Variants in PRUNE2 observed in about 807,000 individuals in gnomAD.
The protein encoded by PRUNE2 is prune homolog 2 with BCH domain.
In PRUNE2, 164 loss-of-function variants were observed where a neutral mutation model predicts 252.0. The observed-to-expected ratio is 0.65, with a 90% CI of 0.57 to 0.74. The LOEUF (loss-of-function observed/expected upper bound fraction) is 0.74. Ranked by LOEUF, PRUNE2 falls within the 30% of genes least tolerant of loss-of-function variation. The pLI is 0.00. For synonymous variants in PRUNE2, 1,292 were observed against 1,350.2 expected, an observed-to-expected ratio of 0.96 and a Z score of 0.94; for missense variants, 3,495 against 3,711.0, an observed-to-expected ratio of 0.94 and a Z score of 1.51.
At chr9:76,854,486 C>T (rs538947504) in intron 1 of PRUNE2, among the ~76,000 whole-genome samples, 20 of 152,190 alleles carry the variant, frequency 1.3e-4, no homozygotes, top group African/African-American at 4.6e-4. Context: ...ATCTCTGAGT[C>T]GTAATTTTTT....
intron 1 of PRUNE2, among the ~76,000 whole-genome samples, chr9:76,903,520 TA>T (rs1417927328): frequency 1.3e-5 from 2 of 152,226 alleles, no homozygotes; most frequent in Non-Finnish European, 2.9e-5. Flanking sequence ...ATCAGCATGG[TA>T]AATTTCTTCA....
chr9:76,865,413 A>T (rs2060779488), intron 1 of PRUNE2, among the ~76,000 whole-genome samples: 1 of 152,204 alleles, frequency 6.6e-6, no homozygotes, highest in South Asian at 2.1e-4. Flanking sequence ...TCAGAAATAA[A>T]TGTATGCATT....
chr9:76,773,561 A>G (rs1229931003), intron 6 of PRUNE2, among the ~76,000 whole-genome samples: 1 of 148,546 alleles, frequency 6.7e-6, no homozygotes, highest in Non-Finnish European at 1.5e-5. Context: ...CTCCTGCCTT[A>G]GCCTCCTGAG....
intron 6 of PRUNE2, among the ~76,000 whole-genome samples, chr9:76,806,079 T>G (rs2056911950): frequency 6.6e-6 from 1 of 152,052 alleles, no homozygotes; most frequent in Non-Finnish European, 1.5e-5. Context: ...GAATCAACTC[T>G]CTCTAAACCA....
chr9:76,774,425 AT>A (rs928252848), intron 6 of PRUNE2, among the ~76,000 whole-genome samples: 17 of 142,578 alleles, frequency 1.2e-4, no homozygotes, highest in African/African-American at 4.6e-4. Context: ...GGCATGAGCC[AT>A]CGTTCCTGGC....
chr9:76,853,066 T>G (rs574691778), intron 2 of PRUNE2, among the ~76,000 whole-genome samples: 21 of 152,338 alleles, frequency 1.4e-4, no homozygotes, highest in Middle Eastern at 3.4e-3. Context: ...AGTGTTAATA[T>G]GCATGTCTTA....
chr9:76,733,382 C>G (rs138996571), intron 6 of PRUNE2, among the ~76,000 whole-genome samples: 2 of 8,734 alleles, frequency 2.3e-4, no homozygotes, highest in Non-Finnish European at 6.6e-4. Flanking sequence ...ACCACAGATT[C>G]ATTCATTCAT....
At chr9:76,776,499 CTT>C (rs58566943) in intron 6 of PRUNE2, among the ~76,000 whole-genome samples, 6 of 136,468 alleles carry the variant, frequency 4.4e-5, no homozygotes, top group South Asian at 4.6e-4. Flanking sequence ...ACCACATTTT[CTT>C]TTTTTTTTTC....
chr9:76,832,931 G>T (rs1393994219), intron 4 of PRUNE2, among the ~76,000 whole-genome samples: 3 of 151,796 alleles, frequency 2.0e-5, no homozygotes, highest in Non-Finnish European at 4.4e-5. Context: ...TAGAAGACAT[G>T]GACACCACTA....
At chr9:76,884,365 G>A (rs116071892) in intron 1 of PRUNE2, among the ~76,000 whole-genome samples, 9 of 152,266 alleles carry the variant, frequency 5.9e-5, no homozygotes, top group East Asian at 3.9e-4. Flanking sequence ...TGTACTGAGC[G>A]TCATTGGCTA....
intron 1 of PRUNE2, among the ~76,000 whole-genome samples, chr9:76,868,438 G>A (rs1042760465): frequency 6.6e-6 from 1 of 152,148 alleles, no homozygotes; most frequent in African/African-American, 2.4e-5. Context: ...GCCTGAGCTG[G>A]TTTACTGTGC....
intron 7 of PRUNE2, 61 bp from the exon 8 acceptor site, chr9:76,711,419 C>A: frequency 9.6e-7 from 1 of 1,040,104 alleles, no homozygotes; most frequent in Non-Finnish European, 1.4e-6. Context: ...TGCAATTGCA[C>A]TTTGCAATTT....
chr9:76,823,685 G>A lies in PRUNE2; in HGVS notation c.703C>T (p.Leu235=). 6.2e-7 allele frequency: 1 copy of A among 1,611,688 alleles called. No homozygotes were observed. Among genetic ancestry groups the A allele is most frequent in the Non-Finnish European group, 8.5e-7 (1 of 1,178,056 alleles). The change falls in exon 6 of 19, where the codon CTG becomes TTG. Residue 235 remains leucine (L), a synonymous_variant. Coordinates refer to ENST00000376718, the MANE Select transcript of PRUNE2 (RefSeq NM_015225.3). ...GCCACTTTTATTTCTCCATCTGACA[G>A]CTCCTTTAGATCTTTCAACATTGTC... ...EQTMLKDLKE[L]SDGEIKVAIS...
chr9:76,786,094 G>A (rs1311138556), intron 6 of PRUNE2: 1 of 152,150 alleles, frequency 6.6e-6, no homozygotes, highest in Non-Finnish European at 1.5e-5. Context: ...CAGGCGGTTT[G>A]AGAAATATTC....
intron 9 of PRUNE2, among the ~76,000 whole-genome samples, chr9:76,694,398 G>T (rs2045172056): frequency 1.3e-5 from 2 of 152,128 alleles, no homozygotes; most frequent in African/African-American, 4.8e-5. Flanking sequence ...GGCCAGGCTG[G>T]TTTTGAACTC....
chr9:76,751,973 G>C (rs1369590837), intron 6 of PRUNE2, among the ~76,000 whole-genome samples: 2 of 152,090 alleles, frequency 1.3e-5, no homozygotes, highest in African/African-American at 4.8e-5. Context: ...AGATAGATTA[G>C]TTAGGCTCTT....
chr9:76,627,469 T>C (rs191561482), intron 16 of PRUNE2, among the ~76,000 whole-genome samples: 2 of 152,196 alleles, frequency 1.3e-5, no homozygotes, highest in East Asian at 1.9e-4. Context: ...GTACACCTTT[T>C]TGAGGCAGCA....
chr9:76,814,670 G>C (rs562922993), intron 6 of PRUNE2, among the ~76,000 whole-genome samples: 1 of 152,096 alleles, frequency 6.6e-6, no homozygotes, highest in African/African-American at 2.4e-5. Context: ...CCAAGGTTGG[G>C]GTATTGCAGT....
chr9:76,658,370 A>C (rs1232421119), intron 9 of PRUNE2, among the ~76,000 whole-genome samples: 5 of 152,312 alleles, frequency 3.3e-5, no homozygotes, highest in Middle Eastern at 3.4e-3. Context: ...CTCCCCCCCA[A>C]AAAGAAGGCT....
Sources: gnomAD v4.1 joint callset for allele counts (sites outside exome capture counted in the v4.1 genomes callset) on GRCh38, gnomAD v4.1.1 for gene constraint, MANE v1.5 for transcripts, NCBI Gene and HGNC (gene_info 2026-07-23, HGNC 2026-07-21) for gene names.